The following TRPV4 variants were observed in gnomAD, a reference collection of about 807,000 sequenced individuals.
TRPV4 encodes OSM9-like transient receptor potential channel 4.
In TRPV4, 58 loss-of-function variants were observed where a neutral mutation model predicts 84.1. The observed-to-expected ratio is 0.69, with a 90% CI of 0.56 to 0.86. The LOEUF is 0.86. Among genes scored for constraint, TRPV4 ranks in the 40% least tolerant of loss-of-function variants. The probability of loss-of-function intolerance (pLI) is 0.00; values close to 1 mark genes in which losing one functional copy is unlikely to be tolerated. For missense variants in TRPV4, 879 were observed against 1,181.1 expected, an observed-to-expected ratio of 0.74 and a Z score of 3.75; for synonymous variants, 489 against 500.9, an observed-to-expected ratio of 0.98 and a Z score of 0.32.
At position 109,793,208 on chromosome 12, in the gene TRPV4, A is replaced by T. The variant is rs1890152886; in HGVS notation, c.1658+319T>A. Among the ~76,000 whole-genome samples, 1 of 152,114 alleles carries T rather than the reference A, an allele frequency of 6.6e-6. No homozygotes were observed. Among genetic ancestry groups the T allele is most frequent in the Admixed American group, 6.6e-5 (1 of 15,264 alleles). ...CAGGCAGACATCATTAATCAATCCC[A>T]ACTCTTTCCCACTAAACACAGACAC... On this transcript the variant is annotated intron_variant, in intron 10 of 15. Coordinates refer to ENST00000261740, the MANE Select transcript of TRPV4 (RefSeq NM_021625.5). The surrounding 1 kb of genome is among the most constrained non-coding windows in gnomAD (Gnocchi z 4.0).
rs1015785564 is a variant in TRPV4, at chr12:109,803,032, C to T, written c.671G>A (p.Arg224Lys). Residue 224 changes from arginine (R) to lysine (K), a missense_variant, in exon 4 of 16, where the codon AGG becomes AAG. By Grantham distance (26) the Arg-to-Lys change is conservative. Around this residue, in one of 4 missense-constraint regions of TRPV4, gnomAD observed 521 missense variants for 686.6 expected, o/e 0.76. Transcript: ENST00000261740. ...ACGGAAGGGCGAGTTAATGAACTCC[C>T]TCATGTTGCCGGTGCGCTCCGCGAT... is the stretch of plus-strand genomic sequence containing the variant. ...LDIAERTGNM[R>K]EFINSPFRDI... is the part of the protein sequence containing the mutation. 6.2e-6 allele frequency: 10 copies of T among 1,614,032 alleles called. No individual in the cohort carries two copies. In the East Asian group the frequency reaches 1.1e-4, roughly 18 times the overall value.
At chr12:109,827,033 G>C (rs1237115576) in intron 1 of TRPV4, among the ~76,000 whole-genome samples, 1 of 152,184 alleles carries the variant, frequency 6.6e-6, no homozygotes, top group Non-Finnish European at 1.5e-5. Flanking sequence ...ATGAATGAAT[G>C]AATGAATGAA....
intron 2 of TRPV4, among the ~76,000 whole-genome samples, chr12:109,813,237 C>T (rs1891631350): frequency 6.6e-6 from 1 of 152,104 alleles, no homozygotes; most frequent in African/African-American, 2.4e-5. Context: ...TGGTGAAAAC[C>T]TGTCTCTACT....
intron 3 of TRPV4, among the ~76,000 whole-genome samples, chr12:109,803,791 C>T: frequency 6.6e-6 from 1 of 152,128 alleles, no homozygotes; most frequent in Non-Finnish European, 1.5e-5. Flanking sequence ...GCTTCATAAA[C>T]AAATAAATGG....
chr12:109,793,786 G>A lies in TRPV4; in HGVS notation c.1584+144C>T, dbSNP rs1890191422. The A allele has an allele frequency of 2.4e-6, 2 of 832,548 alleles. No individual in the cohort carries two copies. The highest frequency in any genetic ancestry group is 2.9e-5 in the South Asian group (2 of 68,266). The allele number at this position is 832,548 out of a possible 1,614,324, so 51.6% of individuals were successfully genotyped here. Reference sequence around the variant, plus strand: ...GGAGAACGTGGGATTGGAGGAGGTAGAAGAGAAATGGGAAAATAAAAGGAG... The same window carrying A: ...GGAGAACGTGGGATTGGAGGAGGTAAAAGAGAAATGGGAAAATAAAAGGAG... On this transcript the variant is annotated intron_variant, in intron 9 of 15. Coordinates refer to ENST00000261740, the MANE Select transcript of TRPV4 (RefSeq NM_021625.5). The surrounding 1 kb of genome is among the most constrained non-coding windows in gnomAD (Gnocchi z 4.0).
Position 109,814,742 on chromosome 12 carries a change from G to C in TRPV4, c.55C>G (p.Pro19Ala), listed in dbSNP as rs3742030. 2 of 1,586,228 alleles carry C rather than the reference G, an allele frequency of 1.3e-6. No individual in the cohort carries two copies. The highest frequency in any genetic ancestry group is 3.6e-5 in the Admixed American group (2 of 55,862). Residue 19 changes from proline (P) to alanine (A), a missense_variant, in exon 2 of 16, where the codon CCC becomes GCC. Transcript: ENST00000261740. This position sits in a 1 kb window ranked among gnomAD's most constrained non-coding sequence, Gnocchi z 5.4. ...RAGPGEVAELPGDESGTPGGE... is the reference protein window; with the variant it reads ...RAGPGEVAELAGDESGTPGGE... Reference sequence around the variant, plus strand: ...CCTGGGGTGCCACTCTCATCCCCGGGGAGCTCAGCCACCTCCCCGGGCCCC... The same window carrying C: ...CCTGGGGTGCCACTCTCATCCCCGGCGAGCTCAGCCACCTCCCCGGGCCCC...
chr12:109,790,352 T>C (rs1889950829), intron 12 of TRPV4, among the ~76,000 whole-genome samples: 1 of 152,194 alleles, frequency 6.6e-6, no homozygotes, highest in South Asian at 2.1e-4. Flanking sequence ...ACCTCGGGGA[T>C]CAGCCCAAGG....
At chr12:109,803,536 C>T (rs192736381) in intron 3 of TRPV4, among the ~76,000 whole-genome samples, 12 of 152,158 alleles carry the variant, frequency 7.9e-5, no homozygotes, top group South Asian at 4.2e-4. Context: ...TTGCAGCCTC[C>T]GATTCCTGGG....
At chr12:109,797,724 T>A (rs1221273330) in intron 6 of TRPV4, among the ~76,000 whole-genome samples, 1 of 152,160 alleles carries the variant, frequency 6.6e-6, no homozygotes, top group Non-Finnish European at 1.5e-5. Context: ...TTTTATTTAT[T>A]TGGGATCTCA....
chr12:109,808,951 T>TCATC (rs1247558954), intron 2 of TRPV4, among the ~76,000 whole-genome samples: 8 of 121,118 alleles, frequency 6.6e-5, no homozygotes, highest in South Asian at 2.9e-4. Flanking sequence ...CATCCATCAT[T>TCATC]CATCCATCCA....
intron 1 of TRPV4, among the ~76,000 whole-genome samples, chr12:109,820,965 C>T (rs1425262647): frequency 6.6e-6 from 1 of 152,228 alleles, no homozygotes. Context: ...GATTCAAAGG[C>T]GGTGGAGGTC....
chr12:109,787,280 G>T (rs76127431), intron 13 of TRPV4, among the ~76,000 whole-genome samples: 1 of 152,124 alleles, frequency 6.6e-6, no homozygotes, highest in Admixed American at 6.5e-5. Flanking sequence ...TTTAAATTTT[G>T]CAGTTTTTTG....
rs1246486837 is a variant in TRPV4 at position 109,786,485 on chromosome 12, G to A, written c.2336+225C>T. Among the ~76,000 whole-genome samples, 1 of 152,212 alleles carries A rather than the reference G, an allele frequency of 6.6e-6. No individual in the cohort carries two copies. Among genetic ancestry groups the A allele is most frequent in the Non-Finnish European group, 1.5e-5 (1 of 68,036 alleles). ...TGTCTAATCCGCACCGCCAGCCTAG[G>A]AGCCCGTGAGATCATTGTCTCATTC... On this transcript the variant is annotated intron_variant, in intron 14 of 15. Coordinates refer to ENST00000261740, the MANE Select transcript of TRPV4 (RefSeq NM_021625.5). The surrounding 1 kb of genome is among the most constrained non-coding windows in gnomAD (Gnocchi z 4.5).
chr12:109,812,793 C>T (rs1008521999), intron 2 of TRPV4, among the ~76,000 whole-genome samples: 3 of 152,146 alleles, frequency 2.0e-5, no homozygotes, highest in Non-Finnish European at 2.9e-5. Flanking sequence ...GATGAAATGA[C>T]ATTCAGATGA....
chr12:109,785,243 T>G (rs903553815), intron 14 of TRPV4, among the ~76,000 whole-genome samples: 1 of 152,094 alleles, frequency 6.6e-6, no homozygotes, highest in Non-Finnish European at 1.5e-5. Flanking sequence ...CTTGAACTCC[T>G]GGGCTCAAGC....
intron 2 of TRPV4, among the ~76,000 whole-genome samples, chr12:109,810,547 G>A (rs1219390183): frequency 1.3e-5 from 2 of 152,102 alleles, no homozygotes; most frequent in African/African-American, 2.4e-5. Flanking sequence ...CTTCCTCTTC[G>A]CCAGGGGTTG....
Position 109,794,507 on chromosome 12 carries a change from C to A in TRPV4, c.1333-20G>T. 6.2e-7 allele frequency: 1 copy of A among 1,613,222 alleles called. No individual in the cohort carries two copies. The highest frequency in any genetic ancestry group is 8.5e-7 in the Non-Finnish European group (1 of 1,179,896). Reference sequence around the variant, plus strand: ...GCGGTTCTAAGAGAGGCAGGGTGGTCGGGGGCTGCCTTCCTGAGATGGGTG... The same window carrying A: ...GCGGTTCTAAGAGAGGCAGGGTGGTAGGGGGCTGCCTTCCTGAGATGGGTG... On this transcript the variant is annotated intron_variant, in intron 7 of 15. Coordinates refer to ENST00000261740, the MANE Select transcript of TRPV4 (RefSeq NM_021625.5).
intron 1 of TRPV4, among the ~76,000 whole-genome samples, chr12:109,820,799 A>AGCTG (rs1892070304): frequency 6.6e-6 from 1 of 152,076 alleles, no homozygotes; most frequent in South Asian, 2.1e-4. Flanking sequence ...CTGGGATTAT[A>AGCTG]GGCGTGAGCC....
intron 1 of TRPV4, among the ~76,000 whole-genome samples, chr12:109,828,040 C>T (rs754479680): frequency 2.0e-5 from 3 of 152,230 alleles, no homozygotes; most frequent in East Asian, 1.9e-4. Context: ...AAACGGGCGC[C>T]TGGTGAGACT....
Sources: gnomAD v4.1 joint callset for allele counts (sites outside exome capture counted in the v4.1 genomes callset) on GRCh38, gnomAD v4.1.1 for gene constraint, gnomAD v4.1.1 regional missense constraint, Gnocchi (gnomAD v3.1) non-coding constraint, MANE v1.5 for transcripts, NCBI Gene and HGNC (gene_info 2026-07-23, HGNC 2026-07-21) for gene names.